NOL4: variants seen among roughly 807,000 people sequenced by gnomAD.
NOL4 encodes cancer/testis antigen 125.
Under a neutral mutation model 75.9 loss-of-function variants are expected in NOL4, and 17 were observed. The ratio of observed to expected loss-of-function variants is 0.22; its 90% CI spans 0.15 to 0.34. NOL4 has a LOEUF of 0.34. Among genes scored for constraint, NOL4 ranks in the 10% least tolerant of loss-of-function variants. The pLI is 1.00. For synonymous variants in NOL4, 292 were observed against 289.9 expected, an observed-to-expected ratio of 1.01 and a Z score of -0.07; for missense variants, 614 against 793.5, an observed-to-expected ratio of 0.77 and a Z score of 2.72.
At chr18:33,943,745 G>A (rs2068653364) in intron 8 of NOL4, among the ~76,000 whole-genome samples, 1 of 151,760 alleles carries the variant, frequency 6.6e-6, no homozygotes, top group Non-Finnish European at 1.5e-5. Context: ...ATATATTAAA[G>A]GTTTAGTGCT....
intron 1 of NOL4, among the ~76,000 whole-genome samples, chr18:34,178,799 G>C (rs773932587): frequency 6.6e-6 from 1 of 151,566 alleles, no homozygotes; most frequent in African/African-American, 2.4e-5. Context: ...CTAGACAGAA[G>C]ACCAGAAAAG....
chr18:34,195,562 CT>C (rs1398090581), intron 1 of NOL4, among the ~76,000 whole-genome samples: 2 of 150,852 alleles, frequency 1.3e-5, no homozygotes, highest in African/African-American at 4.9e-5. Context: ...AGATTGTTAC[CT>C]TTTCAAATAA....
At chr18:33,916,630 T>G (rs145200650) in intron 9 of NOL4, among the ~76,000 whole-genome samples, 2 of 152,308 alleles carry the variant, frequency 1.3e-5, no homozygotes, top group African/African-American at 4.8e-5. Flanking sequence ...CTTATTTACT[T>G]TAATGTAAAA....
chr18:34,222,135 C>T (rs1013751268), intron 1 of NOL4: 3 of 1,530,676 alleles, frequency 2.0e-6, no homozygotes, highest in Non-Finnish European at 1.7e-6. Flanking sequence ...GCCCCACTGG[C>T]TTCTGCAGCG....
intron 2 of NOL4, among the ~76,000 whole-genome samples, chr18:34,113,912 A>T (rs1406018896): frequency 1.3e-5 from 2 of 152,156 alleles, no homozygotes; most frequent in Admixed American, 1.3e-4. Flanking sequence ...TGTTAAATCA[A>T]TTTTAAATAG....
At chr18:34,045,654 C>T (rs1169288630) in intron 5 of NOL4, among the ~76,000 whole-genome samples, 2 of 152,098 alleles carry the variant, frequency 1.3e-5, no homozygotes, top group African/African-American at 4.8e-5. Context: ...TTTCCTGAGA[C>T]ATATGAAGTC....
intron 6 of NOL4, among the ~76,000 whole-genome samples, chr18:33,990,868 C>A (rs761783519): frequency 2.6e-5 from 4 of 151,964 alleles, no homozygotes; most frequent in Non-Finnish European, 2.9e-5. Context: ...ATTTTCATGC[C>A]ATTTCAGCCA....
chr18:34,160,715 T>C (rs1298741714), intron 1 of NOL4, among the ~76,000 whole-genome samples: 3 of 152,174 alleles, frequency 2.0e-5, no homozygotes, highest in African/African-American at 7.2e-5. Context: ...TGTAGATATT[T>C]ATGGGGTTCG....
At chr18:33,961,511 A>G (rs1212514750) in intron 6 of NOL4, among the ~76,000 whole-genome samples, 1 of 152,134 alleles carries the variant, frequency 6.6e-6, no homozygotes, top group Non-Finnish European at 1.5e-5. Context: ...CTGGATATTC[A>G]GCTTGCAGAT....
At chr18:33,983,020 G>A (rs2072104061) in intron 6 of NOL4, among the ~76,000 whole-genome samples, 1 of 151,964 alleles carries the variant, frequency 6.6e-6, no homozygotes, top group Admixed American at 6.6e-5. Flanking sequence ...AAAGTGCTGG[G>A]ATTATAGGTG....
Position 34,201,883 on chromosome 18 carries a change from G to T in NOL4, c.264+21107C>A, listed in dbSNP as rs79231742. Among the ~76,000 whole-genome samples, 1,158 of 151,616 alleles carry T rather than the reference G, an allele frequency of 7.6e-3. 20 individuals carry two copies. Among genetic ancestry groups the T allele is most frequent in the African/African-American group, 0.027 (1,119 of 41,432 alleles). On this transcript the variant is annotated intron_variant, in intron 1 of 10. Coordinates refer to ENST00000261592, the MANE Select transcript of NOL4 (RefSeq NM_003787.5). Reference sequence around the variant, plus strand: ...AAAATACCAATATTCTGTTACTAATGGTCTAGTCAAGAAATAAACTATCTC... The same window carrying T: ...AAAATACCAATATTCTGTTACTAATTGTCTAGTCAAGAAATAAACTATCTC...
chr18:34,114,049 A>T (rs1290859424), intron 2 of NOL4, among the ~76,000 whole-genome samples: 3 of 152,220 alleles, frequency 2.0e-5, no homozygotes, highest in Non-Finnish European at 2.9e-5. Context: ...ACAGAAATTT[A>T]AAAAGATTTT....
intron 9 of NOL4, among the ~76,000 whole-genome samples, chr18:33,891,186 G>T (rs2065071088): frequency 6.6e-6 from 1 of 151,960 alleles, no homozygotes; most frequent in Non-Finnish European, 1.5e-5. Flanking sequence ...ATGCTCACAT[G>T]GATTAATTTT....
intron 1 of NOL4, among the ~76,000 whole-genome samples, chr18:34,201,577 GCATCCTTTCT>G (rs926974754): frequency 6.6e-6 from 1 of 151,750 alleles, no homozygotes; most frequent in African/African-American, 2.4e-5. Flanking sequence ...CTTTTCATCT[GCATCCTTTCT>G]CCATTAACAT....
chr18:33,852,917 T>G lies in NOL4; in HGVS notation c.1842A>C (p.Ala614=), dbSNP rs1037899767. 4 of 1,613,082 alleles carry G rather than the reference T, an allele frequency of 2.5e-6. No individual in the cohort carries two copies. The highest frequency in any genetic ancestry group is 3.4e-6 in the Non-Finnish European group (4 of 1,179,498). The part of the protein sequence containing the change: ...TEINAVRQLV[A]GYRESAAFLL... ...AAAATGCAGCTGATTCTCGATATCC[T>G]GCAACAAGCTGTCTCACGGCATTGA... Residue 614 remains alanine, a synonymous_variant, in exon 11 of 11, where the codon GCA becomes GCC. Transcript: ENST00000261592.
At chr18:34,093,697 T>A in intron 4 of NOL4, 100 bp from the exon 5 acceptor site, 1 of 901,048 alleles carries the variant, frequency 1.1e-6, no homozygotes, top group Non-Finnish European at 1.6e-6. Context: ...AACCAGTAAA[T>A]TTTTACAGAA....
intron 10 of NOL4, among the ~76,000 whole-genome samples, chr18:33,860,942 A>T (rs2063093795): frequency 6.6e-6 from 1 of 152,070 alleles, no homozygotes; most frequent in Non-Finnish European, 1.5e-5. Flanking sequence ...ACATTTATTG[A>T]TTTGCCTATA....
chr18:33,922,495 G>A (rs1193723471), intron 9 of NOL4, among the ~76,000 whole-genome samples: 1 of 152,146 alleles, frequency 6.6e-6, no homozygotes. Context: ...ATTTCTAAAT[G>A]TGTACTTCAT....
chr18:33,868,680 C>CAA (rs1169814379), intron 10 of NOL4, among the ~76,000 whole-genome samples: 1 of 151,482 alleles, frequency 6.6e-6, no homozygotes, highest in Non-Finnish European at 1.5e-5. Context: ...CACACACACA[C>CAA]ACACACACAC....
Sources: gnomAD v4.1 joint callset for allele counts (sites outside exome capture counted in the v4.1 genomes callset) on GRCh38, gnomAD v4.1.1 for gene constraint, MANE v1.5 for transcripts, NCBI Gene and HGNC (gene_info 2026-07-23, HGNC 2026-07-21) for gene names.